Variants in NSMCE1 observed in about 807,000 individuals in gnomAD.
NSMCE1 encodes non-structural maintenance of chromosomes element 1 homolog.
In NSMCE1, 18 loss-of-function variants were observed where a neutral mutation model predicts 29.6. The observed-to-expected ratio is 0.61, with a 90% CI of 0.42 to 0.90. NSMCE1 has a LOEUF of 0.90. Among genes scored for constraint, NSMCE1 ranks in the 40% least tolerant of loss-of-function variants. The probability of loss-of-function intolerance (pLI) is 0.00; values close to 1 mark genes in which losing one functional copy is unlikely to be tolerated. For synonymous variants in NSMCE1, 124 were observed against 133.4 expected, an observed-to-expected ratio of 0.93 and a Z score of 0.49; for missense variants, 314 against 343.6, an observed-to-expected ratio of 0.91 and a Z score of 0.68.
chr16:27,263,326 A>T (rs2084182383), intron 1 of NSMCE1, among the ~76,000 whole-genome samples: 1 of 152,228 alleles, frequency 6.6e-6, no homozygotes, highest in African/African-American at 2.4e-5. Context: ...GGATAAAGAA[A>T]ATGTGGTACC....
At chr16:27,260,695 C>CA (rs1048697365) in intron 1 of NSMCE1, among the ~76,000 whole-genome samples, 4 of 151,704 alleles carry the variant, frequency 2.6e-5, no homozygotes, top group Admixed American at 6.6e-5. Context: ...CCCATCTCCA[C>CA]AAAAAACACA....
chr16:27,252,214 C>T (rs919618468), intron 2 of NSMCE1, among the ~76,000 whole-genome samples: 7 of 152,302 alleles, frequency 4.6e-5, no homozygotes, highest in Admixed American at 1.3e-4. Context: ...AGGATGGGGG[C>T]TGGTCACCAG....
intron 1 of NSMCE1, among the ~76,000 whole-genome samples, chr16:27,263,444 T>G (rs1341893952): frequency 6.6e-6 from 1 of 152,116 alleles, no homozygotes; most frequent in Admixed American, 6.5e-5. Context: ...AACACAGGAA[T>G]AGAAAACCAA....
rs759281877 is a variant in NSMCE1 at position 27,257,492 on chromosome 16, C to T, written c.79G>A (p.Val27Met). 9 of 1,613,920 alleles carry T rather than the reference C, an allele frequency of 5.6e-6. No homozygotes were observed. The highest frequency in any genetic ancestry group is 7.6e-6 in the Non-Finnish European group (9 of 1,179,870). The change falls in exon 2 of 8, where the codon GTG becomes ATG. Residue 27 changes from valine (V) to methionine (M), a missense_variant. Val to Met is a conservative substitution (Grantham distance 21). Transcript: ENST00000361439. ...CGCTTCACGTCCCATTCCTCTAGCA[C>T]GCCATGGGTCATCAGCAACTGGAGG... ...RFLQLLMTHG[V>M]LEEWDVKRLQ...
In NSMCE1 at chr16:27,225,865, A is replaced by G. The variant is rs565960773; in HGVS notation, c.601-19T>C. 23 of 1,613,372 alleles carry G rather than the reference A, an allele frequency of 1.4e-5. No homozygotes were observed. Among genetic ancestry groups the G allele is most frequent in the African/African-American group, 1.1e-4 (8 of 75,054 alleles). On this transcript the variant is annotated intron_variant, in intron 6 of 7. Transcript: ENST00000361439. ...TTTGACCCTGAAACAGGAAAGGCCA[A>G]TGACGGCGGAGCTGGTGCACACCTC... is the stretch of plus-strand genomic sequence containing the variant.
At chr16:27,236,169 G>A (rs972680403) in intron 2 of NSMCE1, among the ~76,000 whole-genome samples, 5 of 152,344 alleles carry the variant, frequency 3.3e-5, no homozygotes, top group East Asian at 1.9e-4. Context: ...GAGAGGCTGC[G>A]GTGAGGACAG....
rs146708891 is a variant in NSMCE1, at chr16:27,243,364, T to C, written c.137-8065A>G. On this transcript the variant is annotated intron_variant, in intron 2 of 7. Transcript: ENST00000361439. Reference sequence around the variant, plus strand: ...AGCAGTTACTATTTCTCACACAGGCTGGACTGTGAGCAGCTCAAAGGAATG... The same window carrying C: ...AGCAGTTACTATTTCTCACACAGGCCGGACTGTGAGCAGCTCAAAGGAATG... 3.3e-5 allele frequency among the ~76,000 whole-genome samples: 5 copies of C among 152,336 alleles called. No homozygotes were observed. In the East Asian group the frequency reaches 7.7e-4, roughly 23 times the overall value.
intron 4 of NSMCE1, chr16:27,233,857 A>C (rs935232625): frequency 1.3e-5 from 4 of 313,158 alleles, no homozygotes; most frequent in African/African-American, 6.4e-5. Flanking sequence ...CTCCCAGGCG[A>C]TGCTGCTGCT....
At chr16:27,226,414 C>G (rs2083692037) in intron 6 of NSMCE1, 1 of 349,636 alleles carries the variant, frequency 2.9e-6, no homozygotes, top group Non-Finnish European at 5.3e-6. Flanking sequence ...GAGACACTCA[C>G]TACAAAACTA....
At chr16:27,245,155 C>A (rs1204306094) in intron 2 of NSMCE1, among the ~76,000 whole-genome samples, 2 of 152,230 alleles carry the variant, frequency 1.3e-5, no homozygotes, top group African/African-American at 4.8e-5. Context: ...AGGCGCTGAA[C>A]ATACATTCCC....
chr16:27,237,933 G>A (rs372591135), intron 2 of NSMCE1, among the ~76,000 whole-genome samples: 1 of 152,106 alleles, frequency 6.6e-6, no homozygotes, highest in African/African-American at 2.4e-5. Context: ...GGGCGCTCCC[G>A]TTCTCTCCGC....
intron 1 of NSMCE1, chr16:27,266,573 CG>C (rs1270005688): frequency 1.3e-5 from 2 of 151,552 alleles, no homozygotes; most frequent in Admixed American, 6.6e-5. Flanking sequence ...GCCAAGATCG[CG>C]TCACTGCACT....
rs549843562 is a variant in NSMCE1, at chr16:27,244,533, C to G, written c.137-9234G>C. On this transcript the variant is annotated intron_variant, in intron 2 of 7. Coordinates refer to ENST00000361439, the MANE Select transcript of NSMCE1 (RefSeq NM_145080.4). ...CCTGCCTTTCTGTCCCCCACTCCCC[C>G]ACACCAAGCTCCTCCCCATCTCAGC... Among the ~76,000 whole-genome samples, 4 of 152,330 alleles carry G rather than the reference C, an allele frequency of 2.6e-5. No homozygotes were observed. The East Asian group carries it at 7.7e-4, about 29-fold the overall frequency.
Position 27,233,008 on chromosome 16 carries a change from A to G in NSMCE1, c.476T>C (p.Leu159Pro), listed in dbSNP as rs752300300. 3.1e-6 allele frequency: 5 copies of G among 1,613,914 alleles called. No homozygotes were observed. Among genetic ancestry groups the G allele is most frequent in the Non-Finnish European group, 4.2e-6 (5 of 1,179,928 alleles). ...AAAACCATGAGACAGTACCTCAATC[A>G]GCCACTTGTTTTGAACAAACTTCTG... ...VLQKFVQNKW[L>P]IEKEGEFTLH... Residue 159 changes from leucine (L) to proline (P), a missense_variant, in exon 5 of 8, where the codon CTG becomes CCG. Transcript: ENST00000361439.
chr16:27,252,776 G>A (rs1172928139), intron 2 of NSMCE1, among the ~76,000 whole-genome samples: 3 of 152,094 alleles, frequency 2.0e-5, no homozygotes, highest in Non-Finnish European at 4.4e-5. Flanking sequence ...AAAATTAGCC[G>A]GGTGTGGTGG....
At chr16:27,246,166 T>C (rs1397138248) in intron 2 of NSMCE1, among the ~76,000 whole-genome samples, 1 of 152,218 alleles carries the variant, frequency 6.6e-6, no homozygotes, top group Admixed American at 6.5e-5. Context: ...ACCATGATAC[T>C]TGACTCACTC....
rs1032968048 is a variant in NSMCE1, at chr16:27,232,863, T to G, written c.483+138A>C. The G allele has an allele frequency of 4.8e-6, 4 of 832,898 alleles. No homozygotes were observed. The highest frequency in any genetic ancestry group is 5.0e-5 in the Admixed American group (2 of 39,850). The allele number at this position is 832,898 out of a possible 1,614,324, so 51.6% of individuals were successfully genotyped here. A position where few individuals can be genotyped will look rare whatever the true frequency, so the allele number is the denominator to read the frequency against. ...CAAGTCCTCCCCACGGGGTCACTGCTGGAATGCATGAAAGCAGATAAGGGA... is the reference window on the plus strand; with the variant it reads ...CAAGTCCTCCCCACGGGGTCACTGCGGGAATGCATGAAAGCAGATAAGGGA... On this transcript the variant is annotated intron_variant, in intron 5 of 7. Coordinates refer to ENST00000361439, the MANE Select transcript of NSMCE1 (RefSeq NM_145080.4). This position sits in a 1 kb window ranked among gnomAD's most constrained non-coding sequence, Gnocchi z 4.5.
chr16:27,264,687 T>C (rs1165094502), intron 1 of NSMCE1, among the ~76,000 whole-genome samples: 3 of 152,120 alleles, frequency 2.0e-5, no homozygotes, highest in South Asian at 2.1e-4. Context: ...TTAGGCAATA[T>C]AGAGAATATA....
At chr16:27,263,037 C>CA (rs1309249995) in intron 1 of NSMCE1, among the ~76,000 whole-genome samples, 1 of 152,084 alleles carries the variant, frequency 6.6e-6, no homozygotes, top group Non-Finnish European at 1.5e-5. Context: ...ATCAAAATGT[C>CA]AAAAAATAAC....
Sources: gnomAD v4.1 joint callset for allele counts (sites outside exome capture counted in the v4.1 genomes callset) on GRCh38, gnomAD v4.1.1 for gene constraint, Gnocchi (gnomAD v3.1) non-coding constraint, MANE v1.5 for transcripts, NCBI Gene and HGNC (gene_info 2026-07-23, HGNC 2026-07-21) for gene names.